The following ALDH1L1 variants were observed in gnomAD, a reference collection of about 807,000 sequenced individuals.
The protein encoded by ALDH1L1 is cytosolic 10-formyltetrahydrofolate dehydrogenase.
Under a neutral mutation model 101.1 loss-of-function variants are expected in ALDH1L1, and 68 were observed. The ratio of observed to expected loss-of-function variants is 0.67; its 90% CI spans 0.55 to 0.82. ALDH1L1 has a LOEUF of 0.82. Among genes scored for constraint, ALDH1L1 ranks in the 40% least tolerant of loss-of-function variants. The pLI is 0.00. For missense variants in ALDH1L1, 1,087 were observed against 1,172.7 expected (o/e 0.93, Z 1.07); for synonymous variants, 486 against 470.8 (o/e 1.03, Z -0.42).
intron 6 of ALDH1L1, 24 bp from the exon 7 acceptor site, chr3:126,153,605 A>G (rs2080850416): frequency 6.2e-7 from 1 of 1,603,564 alleles, no homozygotes; most frequent in Non-Finnish European, 8.5e-7. Context: ...AAATATCAGA[A>G]GATGGTGGGT....
At chr3:126,185,885 A>G (rs1241485150), upstream of ALDH1L1, among the ~76,000 whole-genome samples, 1 of 152,252 alleles carries the variant, frequency 6.6e-6, no homozygotes. Flanking sequence ...TCTGACACAC[A>G]TTACAACATG....
intron 17 of ALDH1L1, among the ~76,000 whole-genome samples, chr3:126,117,648 T>C (rs112179113): frequency 7.4e-6 from 1 of 134,374 alleles, no homozygotes; most frequent in Non-Finnish European, 1.5e-5. Context: ...CAAGACCCTG[T>C]CTCAAAAAAA....
chr3:126,134,596 T>C (rs151218395), intron 12 of ALDH1L1, among the ~76,000 whole-genome samples: 427 of 152,270 alleles, frequency 2.8e-3, no homozygotes, highest in African/African-American at 9.8e-3. Context: ...CTAATCTCCA[T>C]TCGGTTTTGC....
intron 9 of ALDH1L1, among the ~76,000 whole-genome samples, chr3:126,143,688 G>T (rs562347453): frequency 3.9e-5 from 6 of 152,136 alleles, no homozygotes; most frequent in Non-Finnish European, 5.9e-5. Context: ...CAAGTGTAAC[G>T]CCTCACCCTG....
chr3:126,166,636 C>A (rs1247427991), intron 1 of ALDH1L1, among the ~76,000 whole-genome samples: 1 of 151,664 alleles, frequency 6.6e-6, no homozygotes, highest in East Asian at 1.9e-4. Context: ...TTTCATAAAC[C>A]ATGTTTTTCA....
chr3:126,107,250 C>A lies in ALDH1L1; in HGVS notation c.2348-4G>T. ...ACAGTTGGCTCAAAGAAGAACCCTGCAAGAGAGATAAAAGCCCGTTGCACA... is the reference window on the plus strand; with the variant it reads ...ACAGTTGGCTCAAAGAAGAACCCTGAAAGAGAGATAAAAGCCCGTTGCACA... On this transcript the variant is annotated splice_polypyrimidine_tract_variant and splice_region_variant and intron_variant, in intron 20 of 22. Coordinates refer to ENST00000393434, the MANE Select transcript of ALDH1L1 (RefSeq NM_012190.4). 6.2e-7 allele frequency: 1 copy of A among 1,612,518 alleles called. No individual in the cohort carries two copies. Among genetic ancestry groups the A allele is most frequent in the Non-Finnish European group, 8.5e-7 (1 of 1,178,920 alleles).
chr3:126,190,960 T>C (rs989869797), intron 1 of ALDH1L1, among the ~76,000 whole-genome samples: 3 of 152,340 alleles, frequency 2.0e-5, no homozygotes, highest in African/African-American at 7.2e-5. Context: ...GGGAAGAGTT[T>C]CCTTTCCTAT....
intron 7 of ALDH1L1, chr3:126,152,628 C>A: frequency 6.5e-6 from 1 of 154,912 alleles, no homozygotes; most frequent in Non-Finnish European, 1.4e-5. Flanking sequence ...TTGTCCGGAC[C>A]CTGTCAGTGT....
chr3:126,125,771 C>T, intron 14 of ALDH1L1, 50 bp from the exon 15 acceptor site: 1 of 1,342,856 alleles, frequency 7.4e-7, no homozygotes, highest in Non-Finnish European at 1.0e-6. Flanking sequence ...ACCAGGCCCA[C>T]AGTGGACCTG....
In ALDH1L1 at chr3:126,155,513, T is replaced by C. The variant is rs370042294; in HGVS notation, c.529-10A>G. The stretch of plus-strand genomic sequence containing the variant: ...GCCTCACGGCCTGCACCTGGGGAGA[T>C]CCAGTGGGTTGCTATCCCCAGCAAT... On this transcript the variant is annotated splice_polypyrimidine_tract_variant and intron_variant, in intron 4 of 22. Coordinates refer to ENST00000393434, the MANE Select transcript of ALDH1L1 (RefSeq NM_012190.4). 6.2e-7 allele frequency: 1 copy of C among 1,605,148 alleles called. No individual in the cohort carries two copies. The highest frequency in any genetic ancestry group is 8.5e-7 in the Non-Finnish European group (1 of 1,176,206).
intron 18 of ALDH1L1, among the ~76,000 whole-genome samples, chr3:126,113,682 C>A (rs1218045033): frequency 6.6e-6 from 1 of 152,222 alleles, no homozygotes; most frequent in Non-Finnish European, 1.5e-5. Flanking sequence ...CTTTCACACC[C>A]AAGCTAGGGT....
At position 126,135,609 on chromosome 3, in the gene ALDH1L1, G is replaced by C. The variant is rs1378265060; in HGVS notation, c.1398C>G (p.Ala466=). Residue 466 remains alanine (A), a synonymous_variant, in exon 12 of 23, where the codon GCC becomes GCG. Transcript: ENST00000393434. Reference sequence around the variant, plus strand: ...CATTCTCAAAGGCATCCTTGGCTGCGGCCACTGCCTTGTCGACGTCGGTGA... The same window carrying C: ...CATTCTCAAAGGCATCCTTGGCTGCCGCCACTGCCTTGTCGACGTCGGTGA... ...AQVTDVDKAV[A]AAKDAFENGR... 1.3e-6 allele frequency: 2 copies of C among 1,595,450 alleles called. No individual in the cohort carries two copies. The highest frequency in any genetic ancestry group is 1.7e-5 in the Admixed American group (1 of 57,230).
chr3:126,107,268 G>A (rs369333826), intron 20 of ALDH1L1, 22 bp from the exon 21 acceptor site: 136 of 1,594,024 alleles, frequency 8.5e-5, no homozygotes, highest in South Asian at 2.5e-4. Flanking sequence ...ATAAAAGCCC[G>A]TTGCACATGG....
upstream of ALDH1L1, among the ~76,000 whole-genome samples, chr3:126,183,829 A>G (rs1179154110): frequency 1.3e-5 from 2 of 152,326 alleles, no homozygotes; most frequent in East Asian, 3.9e-4. Context: ...CTTCACCCAC[A>G]TCAAAGCCTG....
chr3:126,131,504 C>A lies in ALDH1L1; in HGVS notation c.1503G>T (p.Glu501Asp). 6.2e-7 allele frequency: 1 copy of A among 1,612,510 alleles called. No individual in the cohort carries two copies. Among genetic ancestry groups the A allele is most frequent in the East Asian group, 2.2e-5 (1 of 44,844 alleles). Residue 501 changes from glutamate to aspartate, a missense_variant, in exon 13 of 23, where the codon GAG becomes GAT. Transcript: ENST00000393434. Reference sequence around the variant, plus strand: ...CCAGGGCCTCAATGGTGGCCAGCTCCTCCTGGTGCTGCTCCATGAGATCTG... The same window carrying A: ...CCAGGGCCTCAATGGTGGCCAGCTCATCCTGGTGCTGCTCCATGAGATCTG... ...RLADLMEQHQ[E>D]ELATIEALDA... is the part of the protein sequence containing the mutation.
chr3:126,196,514 C>T (rs1472621877), intron 1 of ALDH1L1, among the ~76,000 whole-genome samples: 1 of 151,888 alleles, frequency 6.6e-6, no homozygotes, highest in Non-Finnish European at 1.5e-5. Flanking sequence ...TCTAAAAACT[C>T]CTTTTAAATT....
chr3:126,144,189 A>G (rs150071307), intron 9 of ALDH1L1, among the ~76,000 whole-genome samples: 2 of 152,312 alleles, frequency 1.3e-5, no homozygotes, highest in East Asian at 3.9e-4. Context: ...AAAACTACAA[A>G]ACACTGCTGA....
At chr3:126,184,233 G>A (rs981828468), upstream of ALDH1L1, among the ~76,000 whole-genome samples, 2 of 152,330 alleles carry the variant, frequency 1.3e-5, no homozygotes, top group Non-Finnish European at 2.9e-5. Flanking sequence ...TCTTTTGCCA[G>A]TTCAGTTCAC....
intron 8 of ALDH1L1, among the ~76,000 whole-genome samples, chr3:126,148,502 T>A (rs920945542): frequency 6.6e-6 from 1 of 152,092 alleles, no homozygotes; most frequent in Admixed American, 6.6e-5. Context: ...GTCCCCTCTA[T>A]CACATCGGTC....
Sources: gnomAD v4.1 joint callset for allele counts (sites outside exome capture counted in the v4.1 genomes callset) on GRCh38, gnomAD v4.1.1 for gene constraint, MANE v1.5 for transcripts, NCBI Gene and HGNC (gene_info 2026-07-23, HGNC 2026-07-21) for gene names.